SHANK2: variants seen among roughly 807,000 people sequenced by gnomAD.
SHANK2 encodes SH3 and multiple ankyrin repeat domains protein 2.
SHANK2 carries 43 observed loss-of-function variants against 133.7 expected under a neutral mutation model. The observed-to-expected ratio is 0.32, with a 90% CI of 0.25 to 0.41. The LOEUF (loss-of-function observed/expected upper bound fraction) is 0.41, where lower values mean the gene tolerates loss of function less well. Ranked by LOEUF, SHANK2 falls within the 10% of genes least tolerant of loss-of-function variation. The probability of loss-of-function intolerance (pLI) is 1.00; values close to 1 mark genes in which losing one functional copy is unlikely to be tolerated. For missense variants in SHANK2, 1,994 were observed against 2,235.8 expected, an observed-to-expected ratio of 0.89 and a Z score of 2.18; for synonymous variants, 1,017 against 952.8, an observed-to-expected ratio of 1.07 and a Z score of -1.24.
At chr11:70,707,532 A>C (rs551075535) in intron 14 of SHANK2, among the ~76,000 whole-genome samples, 1 of 152,164 alleles carries the variant, frequency 6.6e-6, no homozygotes, top group South Asian at 2.1e-4. Flanking sequence ...GGCAGGAAGG[A>C]TACACAACAG....
chr11:71,098,814 TG>T (rs537868800), intron 6 of SHANK2, among the ~76,000 whole-genome samples: 101 of 152,232 alleles, frequency 6.6e-4, no homozygotes, highest in Admixed American at 1.5e-3. Flanking sequence ...CAGGGGGTGA[TG>T]CGTAGCCCGC....
intron 15 of SHANK2, among the ~76,000 whole-genome samples, chr11:70,662,369 T>TG (rs1944576371): frequency 1.3e-5 from 2 of 152,162 alleles, no homozygotes; most frequent in Non-Finnish European, 2.9e-5. Context: ...GCCCGGCGGC[T>TG]GCCTGGGCGT....
At chr11:70,600,190 G>T (rs1361625024) in intron 17 of SHANK2, among the ~76,000 whole-genome samples, 1 of 151,870 alleles carries the variant, frequency 6.6e-6, no homozygotes. Context: ...AGGCTGAGGC[G>T]GGTGGATCAC....
chr11:70,646,917 G>A (rs2134189047), intron 17 of SHANK2, among the ~76,000 whole-genome samples: 1 of 151,854 alleles, frequency 6.6e-6, no homozygotes, highest in African/African-American at 2.4e-5. Context: ...CTGGAGTGCA[G>A]TGGCACAATC....
chr11:70,556,166 C>T (rs1554979510), intron 17 of SHANK2, among the ~76,000 whole-genome samples: 2 of 152,166 alleles, frequency 1.3e-5, no homozygotes, highest in African/African-American at 2.4e-5. Context: ...ATTTAAGTTT[C>T]CTCCATATAT....
At chr11:70,860,740 C>T (rs1049431112) in intron 11 of SHANK2, among the ~76,000 whole-genome samples, 6 of 152,294 alleles carry the variant, frequency 3.9e-5, no homozygotes, top group South Asian at 4.1e-4. Context: ...AGGGGCCTGG[C>T]GCGATGGCTC....
At position 70,872,139 on chromosome 11, in the gene SHANK2, T is replaced by C. The variant is rs190304905; in HGVS notation, c.1174+24362A>G. ...CCATTGCCAATTGCGGGAGGAGTCC[T>C]TCAGGGCACGGATGAATAATCATGC... is the stretch of plus-strand genomic sequence containing the variant. On this transcript the variant is annotated intron_variant, in intron 11 of 25. Transcript: ENST00000601538. 1.7e-3 allele frequency: 257 copies of C among 154,754 alleles called. 1 individual carries two copies. The highest frequency in any genetic ancestry group is 5.9e-3 in the African/African-American group (245 of 41,628). The allele number at this position is 154,754 out of a possible 1,614,324, so 9.6% of individuals were successfully genotyped here. A position where few individuals can be genotyped will look rare whatever the true frequency, so the allele number is the denominator to read the frequency against.
intron 17 of SHANK2, among the ~76,000 whole-genome samples, chr11:70,617,437 C>A (rs2060764150): frequency 6.6e-6 from 1 of 152,152 alleles, no homozygotes; most frequent in Non-Finnish European, 1.5e-5. Context: ...CCCAGCCCTG[C>A]CATAAAAGAA....
intron 17 of SHANK2, among the ~76,000 whole-genome samples, chr11:70,575,063 C>A (rs1178899334): frequency 2.0e-5 from 3 of 152,136 alleles, no homozygotes; most frequent in African/African-American, 7.2e-5. Flanking sequence ...GCCTTCATTG[C>A]AGCTGATCCT....
chr11:70,711,696 C>T (rs1418236338), intron 14 of SHANK2, among the ~76,000 whole-genome samples: 1 of 152,220 alleles, frequency 6.6e-6, no homozygotes, highest in Non-Finnish European at 1.5e-5. Flanking sequence ...GGGACCCTGG[C>T]TCTCAGAACT....
intron 10 of SHANK2, among the ~76,000 whole-genome samples, chr11:70,938,788 T>A (rs1565417231): frequency 6.6e-6 from 1 of 152,038 alleles, no homozygotes; most frequent in Non-Finnish European, 1.5e-5. Context: ...GTCAGGCTAG[T>A]GGACTCCAGT....
chr11:70,610,241 T>C lies in SHANK2; in HGVS notation c.2061+49587A>G, dbSNP rs75618384. On this transcript the variant is annotated intron_variant, in intron 17 of 25. Transcript: ENST00000601538. ...GAAAAGAAAACAGTTATGGGACCAA[T>C]GGGAGCTTTGGTGCCCCTAAAATTC... Among the ~76,000 whole-genome samples the C allele has an allele frequency of 5.4e-3, 816 of 152,196 alleles. 6 individuals are homozygous for C. The highest frequency in any genetic ancestry group is 0.019 in the African/African-American group (796 of 41,524).
At chr11:70,776,389 C>G (rs1464726520) in intron 14 of SHANK2, among the ~76,000 whole-genome samples, 5 of 152,188 alleles carry the variant, frequency 3.3e-5, no homozygotes, top group Non-Finnish European at 5.9e-5. Context: ...GGCCACAGTG[C>G]ATCTGGGTTG....
chr11:71,223,698 C>A (rs1007626509), intron 2 of SHANK2, among the ~76,000 whole-genome samples: 7 of 152,184 alleles, frequency 4.6e-5, no homozygotes, highest in Non-Finnish European at 8.8e-5. Flanking sequence ...GTATTAAGAT[C>A]TCATGGTGCA....
intron 6 of SHANK2, among the ~76,000 whole-genome samples, chr11:71,098,160 CATGTGCATGCCT>C (rs1165626348): frequency 7.7e-6 from 1 of 129,434 alleles, no homozygotes; most frequent in Non-Finnish European, 1.6e-5. Flanking sequence ...TGCCTGTGTG[CATGTGCATGCCT>C]GTGTGCATGC....
At chr11:71,244,095 A>T (rs1555124719) in intron 1 of SHANK2, among the ~76,000 whole-genome samples, 1 of 152,160 alleles carries the variant, frequency 6.6e-6, no homozygotes, top group African/African-American at 2.4e-5. Flanking sequence ...ACACCTACAA[A>T]GTCCTCTCCA....
At chr11:71,133,156 GA>G (rs1952352846) in intron 3 of SHANK2, among the ~76,000 whole-genome samples, 1 of 147,794 alleles carries the variant, frequency 6.8e-6, no homozygotes, top group Admixed American at 6.6e-5. Flanking sequence ...GGGAGGGAGG[GA>G]GGGGTGAGGT....
intron 2 of SHANK2, among the ~76,000 whole-genome samples, chr11:71,182,752 G>A (rs1298536283): frequency 6.6e-5 from 10 of 152,174 alleles, no homozygotes; most frequent in African/African-American, 1.9e-4. Flanking sequence ...TATGGGGAGC[G>A]GGGATGCAAG....
At chr11:70,705,510 T>G (rs1202186683) in intron 14 of SHANK2, 1 of 152,100 alleles carries the variant, frequency 6.6e-6, no homozygotes. Context: ...AACCACCTAC[T>G]AGACAATGGA....
Sources: gnomAD v4.1 joint callset for allele counts (sites outside exome capture counted in the v4.1 genomes callset) on GRCh38, gnomAD v4.1.1 for gene constraint, MANE v1.5 for transcripts, NCBI Gene and HGNC (gene_info 2026-07-23, HGNC 2026-07-21) for gene names.